UTRN: variants seen among roughly 807,000 people sequenced by gnomAD.
UTRN encodes utrophin, also known as dystrophin-related protein 1.
Under a neutral mutation model 463.9 loss-of-function variants are expected in UTRN, and 283 were observed. That is an observed-to-expected ratio of 0.61 (90% CI 0.55 to 0.67). The LOEUF (loss-of-function observed/expected upper bound fraction) is 0.67. Among genes scored for constraint, UTRN ranks in the 30% least tolerant of loss-of-function variants. The probability of loss-of-function intolerance (pLI) is 0.00; values close to 1 mark genes in which losing one functional copy is unlikely to be tolerated. For synonymous variants in UTRN, 1,442 were observed against 1,431.5 expected (o/e 1.01, Z -0.17); for missense variants, 3,922 against 4,084.3 (o/e 0.96, Z 1.08).
At chr6:144,577,359 G>A in intron 51 of UTRN, 71 bp downstream of exon 51, 1 of 1,491,224 alleles carries the variant, frequency 6.7e-7, no homozygotes, top group South Asian at 1.2e-5. Flanking sequence ...GCATGCAAAT[G>A]TGTTACCCTT....
chr6:144,792,618 G>T (rs1017317338), intron 62 of UTRN, among the ~76,000 whole-genome samples: 2 of 151,902 alleles, frequency 1.3e-5, no homozygotes, highest in Non-Finnish European at 2.9e-5. Flanking sequence ...AATAGTTTTA[G>T]AATCCAATAA....
At position 144,429,576 on chromosome 6, in the gene UTRN, T is replaced by G; in HGVS notation, c.695-5T>G. 6.3e-7 allele frequency: 1 copy of G among 1,597,988 alleles called. No homozygotes were observed. The highest frequency in any genetic ancestry group is 1.1e-5 in the South Asian group (1 of 88,604). ...AAGCTGGTTCTTATATTCTTCCACT[T>G]TTAGATGTTGCCGTTCAGCTTCCTG... On this transcript the variant is annotated splice_polypyrimidine_tract_variant and splice_region_variant and intron_variant, in intron 8 of 74. Coordinates refer to ENST00000367545, the MANE Select transcript of UTRN (RefSeq NM_007124.3).
intron 53 of UTRN, among the ~76,000 whole-genome samples, chr6:144,723,926 C>T (rs887027176): frequency 6.9e-6 from 1 of 145,064 alleles, no homozygotes; most frequent in Non-Finnish European, 1.5e-5. Flanking sequence ...GGCAGAATTG[C>T]TTGAGCCCGG....
chr6:144,550,652 T>G (rs1038251388), intron 47 of UTRN, among the ~76,000 whole-genome samples: 4 of 152,174 alleles, frequency 2.6e-5, no homozygotes, highest in African/African-American at 9.7e-5. Context: ...TTGAAGGGAT[T>G]TTCTTTGTTT....
intron 50 of UTRN, among the ~76,000 whole-genome samples, chr6:144,560,669 A>C (rs889831623): frequency 9.9e-5 from 15 of 152,146 alleles, no homozygotes; most frequent in South Asian, 2.1e-4. Flanking sequence ...TAGCCTAAAT[A>C]ATTTAGCTAT....
intron 51 of UTRN, among the ~76,000 whole-genome samples, chr6:144,677,223 C>T (rs1490072502): frequency 6.6e-6 from 1 of 152,088 alleles, no homozygotes; most frequent in Non-Finnish European, 1.5e-5. Flanking sequence ...AGGTTTTAAT[C>T]CCTGCATACA....
intron 46 of UTRN, among the ~76,000 whole-genome samples, chr6:144,544,333 T>C (rs957802508): frequency 6.6e-6 from 1 of 152,218 alleles, no homozygotes; most frequent in African/African-American, 2.4e-5. Flanking sequence ...CACAATGTTG[T>C]ACAACCACTA....
At chr6:144,395,401 G>GTGT (rs1782311956) in intron 2 of UTRN, among the ~76,000 whole-genome samples, 1 of 127,774 alleles carries the variant, frequency 7.8e-6, no homozygotes, top group African/African-American at 2.8e-5. Flanking sequence ...AAGATGTTGA[G>GTGT]TTTTTTTTTT....
chr6:144,421,602 T>C (rs1012258221), intron 3 of UTRN, among the ~76,000 whole-genome samples: 3 of 151,770 alleles, frequency 2.0e-5, no homozygotes, highest in South Asian at 2.1e-4. Flanking sequence ...GGCAGGAGAA[T>C]GGCGTGAACC....
intron 54 of UTRN, among the ~76,000 whole-genome samples, chr6:144,736,958 C>A (rs904002906): frequency 3.9e-5 from 6 of 152,182 alleles, no homozygotes; most frequent in African/African-American, 1.4e-4. Context: ...GGTCATCCTG[C>A]CGGCTCTGCT....
At chr6:144,788,023 C>T (rs1776433630) in intron 61 of UTRN, among the ~76,000 whole-genome samples, 1 of 151,980 alleles carries the variant, frequency 6.6e-6, no homozygotes, top group South Asian at 2.1e-4. Context: ...CTGTGACTAA[C>T]ATTTGGTAGA....
chr6:144,834,763 T>C (rs1159713784), intron 69 of UTRN, among the ~76,000 whole-genome samples: 1 of 152,120 alleles, frequency 6.6e-6, no homozygotes, highest in African/African-American at 2.4e-5. Flanking sequence ...AGAAGAAGTC[T>C]CTAAGGGATG....
intron 65 of UTRN, among the ~76,000 whole-genome samples, chr6:144,819,901 TC>T (rs1779422615): frequency 6.4e-5 from 8 of 124,636 alleles, no homozygotes; most frequent in South Asian, 3.3e-4. Context: ...CTCCTCCTCC[TC>T]CTCCTCCTCC....
At position 144,846,798 on chromosome 6, in the gene UTRN, C is replaced by T. The variant is rs766114022; in HGVS notation, c.10271-7C>T. On this transcript the variant is annotated splice_region_variant and splice_polypyrimidine_tract_variant and intron_variant, in intron 73 of 74. Transcript: ENST00000367545. Reference sequence around the variant, plus strand: ...CATTAAGTGATTTCTTTTGTTTTCTCTTTCAGCAAATGTTCCCAGCAGGCC... The same window carrying T: ...CATTAAGTGATTTCTTTTGTTTTCTTTTTCAGCAAATGTTCCCAGCAGGCC... The T allele has an allele frequency of 1.9e-6, 3 of 1,613,896 alleles. No homozygotes were observed. Among genetic ancestry groups the T allele is most frequent in the Non-Finnish European group, 2.5e-6 (3 of 1,179,930 alleles).
intron 2 of UTRN, among the ~76,000 whole-genome samples, chr6:144,401,618 C>T (rs529743475): frequency 5.3e-5 from 8 of 152,182 alleles, no homozygotes; most frequent in South Asian, 4.2e-4. Context: ...ACCACTTGCT[C>T]CCTTAGTGTC....
At chr6:144,350,189 C>T (rs139910641) in intron 2 of UTRN, among the ~76,000 whole-genome samples, 209 of 151,252 alleles carry the variant, frequency 1.4e-3, no homozygotes, top group African/African-American at 4.8e-3. Flanking sequence ...TTTTTGACTC[C>T]AAATTTAATT....
intron 51 of UTRN, among the ~76,000 whole-genome samples, chr6:144,584,028 A>G (rs1251939948): frequency 6.6e-6 from 1 of 152,202 alleles, no homozygotes; most frequent in Non-Finnish European, 1.5e-5. Flanking sequence ...TTTTATAGCT[A>G]ATTGCTTTTT....
intron 52 of UTRN, among the ~76,000 whole-genome samples, chr6:144,699,063 G>T (rs1420184606): frequency 6.6e-6 from 1 of 152,134 alleles, no homozygotes; most frequent in East Asian, 1.9e-4. Context: ...AGTAAACATT[G>T]CTATTGTTCT....
At position 144,803,098 on chromosome 6, in the gene UTRN, C is replaced by T; in HGVS notation, c.9308C>T (p.Thr3103Ile). ...VCQSCFFSGR[T>I]AKGHKLHYPM... ...CAGAGTTGTTTCTTTTCGGGTCGAACAGCAAAAGGTCACAAATTACATTAC... is the reference window on the plus strand; with the variant it reads ...CAGAGTTGTTTCTTTTCGGGTCGAATAGCAAAAGGTCACAAATTACATTAC... Residue 3103 changes from threonine to isoleucine, a missense_variant, in exon 65 of 75, where the codon ACA (threonine) becomes ATA (isoleucine). Thr to Ile is a moderately conservative substitution (Grantham distance 89). Transcript: ENST00000367545. The T allele has an allele frequency of 6.3e-7, 1 of 1,595,998 alleles. No homozygotes were observed. Among genetic ancestry groups the T allele is most frequent in the Non-Finnish European group, 8.5e-7 (1 of 1,171,512 alleles).
Sources: allele counts gnomAD v4.1 joint callset (sites outside exome capture counted in the v4.1 genomes callset), GRCh38; gene constraint gnomAD v4.1.1; transcripts MANE v1.5; gene names NCBI Gene and HGNC (gene_info 2026-07-23, HGNC 2026-07-21).